The following RAB1A variants were observed in gnomAD, a reference collection of about 807,000 sequenced individuals.
RAB1A encodes the protein ras-related protein Rab-1A.
A neutral mutation model predicts 26.0 loss-of-function variants in RAB1A; 2 were observed. The observed-to-expected ratio is 0.08, with a 90% CI of 0.03 to 0.24. The LOEUF is 0.24. RAB1A is among the 10% of genes least tolerant of loss of function. RAB1A has a pLI of 1.00. For synonymous variants in RAB1A, 84 were observed against 84.9 expected (o/e 0.99, Z 0.06); for missense variants, 100 against 247.0 (o/e 0.40, Z 3.99).
chr2:65,091,995 C>T (rs1345478943), intron 3 of RAB1A, among the ~76,000 whole-genome samples: 2 of 152,218 alleles, frequency 1.3e-5, no homozygotes, highest in African/African-American at 4.8e-5. Context: ...ACTGTTGGGA[C>T]TGGGTACGGT....
chr2:65,125,502 GC>G (rs1325626512), intron 1 of RAB1A, among the ~76,000 whole-genome samples: 1 of 143,960 alleles, frequency 6.9e-6, no homozygotes, highest in East Asian at 2.0e-4. Flanking sequence ...ACTCACTGCA[GC>G]CTCCGCCTCC....
At chr2:65,112,716 A>G (rs1467670621) in intron 1 of RAB1A, among the ~76,000 whole-genome samples, 1 of 152,210 alleles carries the variant, frequency 6.6e-6, no homozygotes, top group African/African-American at 2.4e-5. Context: ...AGGCTGAGAG[A>G]AATTAACAGT....
intron 3 of RAB1A, among the ~76,000 whole-genome samples, chr2:65,093,426 C>G (rs1669215228): frequency 6.6e-6 from 1 of 152,132 alleles, no homozygotes; most frequent in Admixed American, 6.5e-5. Context: ...CCTGCCCTAT[C>G]TTGCTGAATG....
intron 2 of RAB1A, 69 bp from the exon 3 acceptor site, chr2:65,098,135 A>C (rs1356743002): frequency 6.8e-6 from 6 of 881,074 alleles, no homozygotes; most frequent in Non-Finnish European, 9.9e-6. Flanking sequence ...AAGTGGAAAA[A>C]AAAAAACTGT....
At chr2:65,113,750 AT>A (rs914829406) in intron 1 of RAB1A, among the ~76,000 whole-genome samples, 55 of 152,308 alleles carry the variant, frequency 3.6e-4, no homozygotes, top group African/African-American at 1.3e-3. Context: ...GGAATATAGA[AT>A]TTTTTAAAGT....
chr2:65,126,180 G>A (rs1437670720), intron 1 of RAB1A, among the ~76,000 whole-genome samples: 1 of 151,884 alleles, frequency 6.6e-6, no homozygotes, highest in African/African-American at 2.4e-5. Flanking sequence ...TGGTTATGGT[G>A]GCAAATGCCT....
rs1367544146 is a variant in RAB1A, at chr2:65,089,157, A to G, written c.289-87T>C. 2.4e-6 allele frequency: 3 copies of G among 1,262,912 alleles called. No individual in the cohort carries two copies. The East Asian group carries it at 7.5e-5, about 31-fold the overall frequency. 78.2% of individuals were successfully genotyped at this position (1,262,912 alleles called of 1,614,324 possible). ...AACATCGTTCCTGACCTAACAGACA[A>G]ATAACAAAGAGCTAGTGAGACAACT... is the stretch of plus-strand genomic sequence containing the variant. On this transcript the variant is annotated intron_variant, in intron 4 of 5. Coordinates refer to ENST00000409784, the MANE Select transcript of RAB1A (RefSeq NM_004161.5).
chr2:65,120,366 G>C (rs1263287273), intron 1 of RAB1A, among the ~76,000 whole-genome samples: 1 of 142,822 alleles, frequency 7.0e-6, no homozygotes, highest in African/African-American at 2.6e-5. Context: ...TGAGGCAGGA[G>C]AATCACTTGA....
intron 2 of RAB1A, among the ~76,000 whole-genome samples, chr2:65,099,955 T>G (rs1383078725): frequency 6.6e-6 from 1 of 152,082 alleles, no homozygotes; most frequent in African/African-American, 2.4e-5. Context: ...GACAAGTGCT[T>G]CAGTTTCTGC....
At chr2:65,119,182 G>C (rs940294754) in intron 1 of RAB1A, among the ~76,000 whole-genome samples, 2 of 152,038 alleles carry the variant, frequency 1.3e-5, no homozygotes, top group African/African-American at 4.8e-5. Context: ...TCCAGCCTGG[G>C]TGACAGAGTG....
At chr2:65,129,785 G>A in intron 1 of RAB1A, 108 bp downstream of exon 1, 4 of 1,507,010 alleles carry the variant, frequency 2.7e-6, no homozygotes, top group Non-Finnish European at 3.6e-6. Context: ...CATCACCCTC[G>A]CCTCACCCCA....
At chr2:65,109,552 A>G (rs1451723396) in intron 1 of RAB1A, among the ~76,000 whole-genome samples, 1 of 151,638 alleles carries the variant, frequency 6.6e-6, no homozygotes, top group African/African-American at 2.4e-5. Context: ...AAAAAAAAAA[A>G]TACAAAAATT....
intron 1 of RAB1A, among the ~76,000 whole-genome samples, chr2:65,118,339 CAT>C (rs1200174114): frequency 2.6e-5 from 4 of 152,074 alleles, no homozygotes; most frequent in Non-Finnish European, 5.9e-5. Flanking sequence ...CTTGTTTGAA[CAT>C]GAGTCATTTT....
intron 1 of RAB1A, among the ~76,000 whole-genome samples, chr2:65,105,721 C>T (rs1279803617): frequency 3.3e-5 from 5 of 151,924 alleles, no homozygotes; most frequent in Non-Finnish European, 5.9e-5. Flanking sequence ...ACTTGACTAA[C>T]ACTCTACACT....
intron 1 of RAB1A, among the ~76,000 whole-genome samples, chr2:65,115,154 A>G (rs1356164804): frequency 6.6e-6 from 1 of 152,226 alleles, no homozygotes. Flanking sequence ...TTTATAAATT[A>G]CCCAGTCTGT....
At position 65,097,555 on chromosome 2, in the gene RAB1A, A is replaced by G. The variant is rs558021795; in HGVS notation, c.192+416T>C. ...ATCTAATAAAAATACTTAGAACTAC[A>G]TAAGTACTTCTCTTCAACTGAGCCA... On this transcript the variant is annotated intron_variant, in intron 3 of 5. Transcript: ENST00000409784. 5.3e-5 allele frequency among the ~76,000 whole-genome samples: 8 copies of G among 152,342 alleles called. No homozygotes were observed. The East Asian group carries it at 1.3e-3, about 26-fold the overall frequency.
chr2:65,113,807 A>G (rs1669758635), intron 1 of RAB1A, among the ~76,000 whole-genome samples: 1 of 152,204 alleles, frequency 6.6e-6, no homozygotes, highest in Non-Finnish European at 1.5e-5. Flanking sequence ...GGGGCTGGGC[A>G]TGGCTAGCTC....
At chr2:65,102,817 T>C (rs541392468) in intron 2 of RAB1A, among the ~76,000 whole-genome samples, 3 of 151,710 alleles carry the variant, frequency 2.0e-5, no homozygotes, top group Non-Finnish European at 4.4e-5. Flanking sequence ...TCCCAGCTAC[T>C]TGGGAGGCTA....
chr2:65,100,830 C>A (rs892088255), intron 2 of RAB1A, among the ~76,000 whole-genome samples: 1 of 151,734 alleles, frequency 6.6e-6, no homozygotes, highest in Admixed American at 6.6e-5. Flanking sequence ...GCACATCTAT[C>A]CCCCAGGTAC....
Sources: allele counts gnomAD v4.1 joint callset (sites outside exome capture counted in the v4.1 genomes callset), GRCh38; gene constraint gnomAD v4.1.1; transcripts MANE v1.5; gene names NCBI Gene and HGNC (gene_info 2026-07-23, HGNC 2026-07-21).